KIAA1328: variants seen among roughly 807,000 people sequenced by gnomAD.
KIAA1328 encodes protein hinderin.
KIAA1328 carries 52 observed loss-of-function variants against 68.1 expected under a neutral mutation model. The ratio of observed to expected loss-of-function variants is 0.76; its 90% confidence interval spans 0.61 to 0.96. The LOEUF is 0.96. Among genes scored for constraint, KIAA1328 ranks in the 40% least tolerant of loss-of-function variants. KIAA1328 has a pLI of 0.00. For synonymous variants in KIAA1328, 232 were observed against 239.4 expected (o/e 0.97, Z 0.28); for missense variants, 641 against 677.6 (o/e 0.95, Z 0.60).
At chr18:37,016,105 G>T (rs1167502217) in intron 6 of KIAA1328, among the ~76,000 whole-genome samples, 1 of 152,092 alleles carries the variant, frequency 6.6e-6, no homozygotes, top group Admixed American at 6.5e-5. Flanking sequence ...TCCGGTTTTT[G>T]CCTGTTTAGC....
intron 5 of KIAA1328, among the ~76,000 whole-genome samples, chr18:36,898,755 T>A (rs960188793): frequency 6.6e-6 from 1 of 151,936 alleles, no homozygotes; most frequent in Non-Finnish European, 1.5e-5. Flanking sequence ...ACAGAGTCTG[T>A]TAATTTTGGA....
rs1205386414 is a variant in KIAA1328 at position 37,037,690 on chromosome 18, C to T, written c.577-29200C>T. Among the ~76,000 whole-genome samples the T allele has an allele frequency of 1.3e-5, 2 of 150,994 alleles. 1 individual carries two copies. The highest frequency in any genetic ancestry group is 4.9e-5 in the African/African-American group (2 of 41,018). On this transcript the variant is annotated intron_variant, in intron 6 of 9. Coordinates refer to ENST00000280020, the MANE Select transcript of KIAA1328 (RefSeq NM_020776.3). ...CCTGAGGTCAGGAGATCAAGACCAA[C>T]CTGGCCAATCTGGTGAAACCCCATC...
chr18:37,229,711 T>C, downstream of KIAA1328: 1 of 354,654 alleles, frequency 2.8e-6, no homozygotes, highest in Non-Finnish European at 5.1e-6. Flanking sequence ...CATCTCTGTA[T>C]TTTGTATTTG....
chr18:37,201,074 G>C lies in KIAA1328; in HGVS notation c.1524-20943G>C, dbSNP rs531437691. Among the ~76,000 whole-genome samples the C allele has an allele frequency of 1.4e-4, 21 of 152,226 alleles. 1 individual carries two copies. The East Asian group carries it at 2.5e-3, about 18-fold the overall frequency. ...TTTAGGAGCACCCAAAATCTAAATT[G>C]GGATGACATCACAGTGTGGCAAAAA... On this transcript the variant is annotated intron_variant, in intron 9 of 9. Coordinates refer to ENST00000280020, the MANE Select transcript of KIAA1328 (RefSeq NM_020776.3).
intron 6 of KIAA1328, among the ~76,000 whole-genome samples, chr18:36,961,935 A>C (rs1184540419): frequency 6.6e-6 from 1 of 152,260 alleles, no homozygotes; most frequent in Non-Finnish European, 1.5e-5. Flanking sequence ...AGTTAACATC[A>C]TAATGACAGG....
intron 5 of KIAA1328, among the ~76,000 whole-genome samples, chr18:36,923,067 C>T (rs11081971): frequency 0.73 from 111,518 of 151,846 alleles, 43,993 homozygotes; most frequent in South Asian, 0.89. Context: ...TGACTTCATA[C>T]ATCAAAGAAG....
At chr18:37,210,486 C>T (rs927460888) in intron 9 of KIAA1328, among the ~76,000 whole-genome samples, 14 of 152,148 alleles carry the variant, frequency 9.2e-5, no homozygotes, top group African/African-American at 3.1e-4. Context: ...AGAGGTAAGA[C>T]AGGCCAATAT....
intron 7 of KIAA1328, among the ~76,000 whole-genome samples, chr18:37,095,979 A>G (rs2057393384): frequency 6.6e-6 from 1 of 152,210 alleles, no homozygotes; most frequent in Admixed American, 6.5e-5. Flanking sequence ...GAGTTACAAG[A>G]TTGAACCAGT....
At chr18:37,151,986 A>G (rs1198628323) in intron 7 of KIAA1328, among the ~76,000 whole-genome samples, 2 of 151,824 alleles carry the variant, frequency 1.3e-5, no homozygotes, top group Non-Finnish European at 2.9e-5. Context: ...CAGAGGGATG[A>G]AGAGAGCTTC....
At chr18:36,896,075 A>G (rs972721703) in intron 5 of KIAA1328, among the ~76,000 whole-genome samples, 2 of 152,248 alleles carry the variant, frequency 1.3e-5, no homozygotes, top group African/African-American at 2.4e-5. Flanking sequence ...CTTAATATGT[A>G]CTTAGTTCTT....
chr18:37,212,957 G>A (rs1391400855), intron 9 of KIAA1328, among the ~76,000 whole-genome samples: 1 of 152,138 alleles, frequency 6.6e-6, no homozygotes, highest in Non-Finnish European at 1.5e-5. Flanking sequence ...GACATCAAGT[G>A]ATCCACCTGC....
intron 3 of KIAA1328, 81 bp from the exon 4 acceptor site, chr18:36,844,127 T>C: frequency 1.2e-6 from 1 of 842,506 alleles, no homozygotes; most frequent in Non-Finnish European, 1.9e-6. Flanking sequence ...ATCTAAGAAA[T>C]TTCACCTTGC....
intron 4 of KIAA1328, among the ~76,000 whole-genome samples, chr18:36,877,623 C>T (rs866288569): frequency 2.0e-5 from 3 of 148,080 alleles, no homozygotes; most frequent in Admixed American, 6.7e-5. Context: ...TACAGCACAC[C>T]GATGGGTCTT....
intron 6 of KIAA1328, among the ~76,000 whole-genome samples, chr18:37,049,898 C>T (rs2055622155): frequency 6.6e-6 from 1 of 152,128 alleles, no homozygotes; most frequent in Non-Finnish European, 1.5e-5. Flanking sequence ...AGTGTACGTA[C>T]TTTTTCCTTA....
intron 6 of KIAA1328, among the ~76,000 whole-genome samples, chr18:37,006,983 G>A (rs1598954695): frequency 6.6e-6 from 1 of 152,200 alleles, no homozygotes; most frequent in South Asian, 2.1e-4. Flanking sequence ...TGGTTTAGGT[G>A]ATGCAGTTAC....
intron 6 of KIAA1328, among the ~76,000 whole-genome samples, chr18:37,062,458 GT>G (rs10712481): frequency 0.24 from 33,517 of 142,406 alleles, 5,203 homozygotes; most frequent in African/African-American, 0.47. Context: ...TTTTGTTTTT[GT>G]TTTTTTTTTT....
chr18:37,052,583 A>C (rs1423460259), intron 6 of KIAA1328, among the ~76,000 whole-genome samples: 1 of 145,706 alleles, frequency 6.9e-6, no homozygotes, highest in Non-Finnish European at 1.5e-5. Flanking sequence ...TCCTATATCT[A>C]AAAAAAAAAC....
intron 6 of KIAA1328, among the ~76,000 whole-genome samples, chr18:37,047,062 G>A (rs928211839): frequency 1.3e-5 from 2 of 152,130 alleles, no homozygotes; most frequent in South Asian, 2.1e-4. Context: ...AACCGAAATC[G>A]CGCCACTGCA....
intron 6 of KIAA1328, among the ~76,000 whole-genome samples, chr18:37,030,812 C>T (rs1190427197): frequency 1.3e-5 from 2 of 152,138 alleles, no homozygotes; most frequent in Non-Finnish European, 1.5e-5. Flanking sequence ...AGATATTTCC[C>T]CTAATGCTAT....
Sources: gnomAD v4.1 joint callset for allele counts (sites outside exome capture counted in the v4.1 genomes callset) on GRCh38, gnomAD v4.1.1 for gene constraint, MANE v1.5 for transcripts, NCBI Gene and HGNC (gene_info 2026-07-23, HGNC 2026-07-21) for gene names.